The following ZNF623 variants were observed in gnomAD, a reference collection of about 807,000 sequenced individuals.
The protein encoded by ZNF623 is zinc finger protein 623.
Under a neutral mutation model 24.0 loss-of-function variants are expected in ZNF623, and 16 were observed. The observed-to-expected ratio is 0.67, with a 90% CI of 0.45 to 1.01. ZNF623 has a LOEUF of 1.01. ZNF623 is among the 50% of genes least tolerant of loss of function. The probability of loss-of-function intolerance (pLI) is 0.00; values close to 1 mark genes in which losing one functional copy is unlikely to be tolerated. For synonymous variants in ZNF623, 224 were observed against 219.8 expected, an observed-to-expected ratio of 1.02 and a Z score of -0.17; for missense variants, 566 against 606.5, an observed-to-expected ratio of 0.93 and a Z score of 0.70.
At position 143,650,526 on chromosome 8, in the gene ZNF623, C is replaced by T. The variant is rs1815276989; in HGVS notation, c.534C>T (p.His178=). Residue 178 remains histidine, a synonymous_variant, in exon 2 of 2, where the codon CAC becomes CAT. Transcript: ENST00000526926. The surrounding 1 kb of genome is among the most constrained non-coding windows in gnomAD (Gnocchi z 5.2). ...KCAQCGKAFC[H]SSDLIRHQRV... Reference sequence around the variant, plus strand: ...CGCAGTGTGGGAAGGCGTTTTGTCACAGTTCAGACCTGATTAGGCACCAGA... The same window carrying T: ...CGCAGTGTGGGAAGGCGTTTTGTCATAGTTCAGACCTGATTAGGCACCAGA... 6.2e-7 allele frequency: 1 copy of T among 1,614,074 alleles called. No homozygotes were observed. Among genetic ancestry groups the T allele is most frequent in the Non-Finnish European group, 8.5e-7 (1 of 1,180,014 alleles).
At chr8:143,642,599 A>G (rs1284499515) in intron 1 of ZNF623, among the ~76,000 whole-genome samples, 1 of 152,156 alleles carries the variant, frequency 6.6e-6, no homozygotes, top group Non-Finnish European at 1.5e-5. Flanking sequence ...TTTTGGTTTA[A>G]AGTGAGAGAT....
At chr8:143,645,254 T>C (rs577253657) in intron 1 of ZNF623, among the ~76,000 whole-genome samples, 26 of 152,166 alleles carry the variant, frequency 1.7e-4, no homozygotes, top group South Asian at 6.2e-4. Flanking sequence ...CCATCCTGGC[T>C]AACGGTGAAA....
Position 143,650,819 on chromosome 8 carries a change from A to G in ZNF623, c.827A>G (p.Glu276Gly), listed in dbSNP as rs758503574. 1 of 1,614,110 alleles carries G rather than the reference A, an allele frequency of 6.2e-7. No individual in the cohort carries two copies. Among genetic ancestry groups the G allele is most frequent in the African/African-American group, 1.3e-5 (1 of 74,922 alleles). ...GAACACCAGAGAATTCACACCGGAG[A>G]GAGACCCTTTGAATGCAATGAGTGT... ...LIEHQRIHTGERPFECNECGK... is the reference protein window; with the variant it reads ...LIEHQRIHTGGRPFECNECGK... The change falls in exon 2 of 2, where the codon GAG becomes GGG. Residue 276 changes from glutamate to glycine, a missense_variant. Physicochemically the swap from Glu to Gly is moderately conservative, Grantham distance 98 (BLOSUM62 -2). Around this residue, in one of 3 missense-constraint regions of ZNF623, gnomAD observed 117 missense variants for 174.2 expected, o/e 0.67. Transcript: ENST00000526926. This position sits in a 1 kb window ranked among gnomAD's most constrained non-coding sequence, Gnocchi z 5.2.
intron 1 of ZNF623, 101 bp downstream of exon 1, chr8:143,636,246 G>C (rs1814917575): frequency 6.6e-6 from 1 of 152,110 alleles, no homozygotes; most frequent in African/African-American, 2.4e-5. Context: ...CGCCGAGAGG[G>C]CCGGGCGGGG....
In ZNF623 at chr8:143,651,868, T is replaced by C. The variant is rs1587336385; in HGVS notation, c.*385T>C. 1 of 189,844 alleles carries C rather than the reference T, an allele frequency of 5.3e-6. No homozygotes were observed. Among genetic ancestry groups the C allele is most frequent in the Admixed American group, 5.9e-5 (1 of 16,848 alleles). 11.8% of individuals were successfully genotyped at this position (189,844 alleles called of 1,614,324 possible). A position where few individuals can be genotyped will look rare whatever the true frequency, so the allele number is the denominator to read the frequency against. ...GAGAATGTTACCTAGGACATTTTGA[T>C]GTGTTAAGTTGAAGAAAGGTAACTC... On this transcript the variant is annotated 3_prime_UTR_variant, in exon 2 of 2. Transcript: ENST00000526926.
chr8:143,646,670 TTTG>T (rs886346521), intron 1 of ZNF623, among the ~76,000 whole-genome samples: 6 of 152,056 alleles, frequency 3.9e-5, no homozygotes, highest in Non-Finnish European at 8.8e-5. Context: ...TGGAGTGTTT[TTTG>T]TTGTTGTTTG....
chr8:143,648,071 G>C lies in ZNF623; in HGVS notation c.-95-1827G>C, dbSNP rs560882144. ...GAGCATCCAAATGAAGGTGTTGGGTGAGGAGCTGGTCAGGTGTTGGGGCTG... is the reference window on the plus strand; with the variant it reads ...GAGCATCCAAATGAAGGTGTTGGGTCAGGAGCTGGTCAGGTGTTGGGGCTG... On this transcript the variant is annotated intron_variant, in intron 1 of 1. Coordinates refer to ENST00000526926, the MANE Select transcript of ZNF623 (RefSeq NM_001261843.2). Among the ~76,000 whole-genome samples the C allele has an allele frequency of 3.3e-5, 5 of 152,364 alleles. No individual in the cohort carries two copies. The East Asian group carries it at 9.6e-4, about 29-fold the overall frequency.
At chr8:143,648,648 G>A (rs1453336890) in intron 1 of ZNF623, among the ~76,000 whole-genome samples, 2 of 151,994 alleles carry the variant, frequency 1.3e-5, no homozygotes, top group Admixed American at 1.3e-4. Context: ...GTGCTCAGGT[G>A]CTGTCCCTGC....
intron 1 of ZNF623, among the ~76,000 whole-genome samples, chr8:143,639,395 G>A (rs1468877799): frequency 6.7e-6 from 1 of 150,234 alleles, no homozygotes; most frequent in Non-Finnish European, 1.5e-5. Flanking sequence ...AGCTAATTTT[G>A]TATTTTTAGT....
At chr8:143,638,971 C>T (rs1755388137) in intron 1 of ZNF623, among the ~76,000 whole-genome samples, 1 of 151,580 alleles carries the variant, frequency 6.6e-6, no homozygotes, top group Non-Finnish European at 1.5e-5. Flanking sequence ...CAGCTCATTC[C>T]ACCCTCTGCC....
At chr8:143,648,697 G>A (rs1815226025) in intron 1 of ZNF623, among the ~76,000 whole-genome samples, 1 of 152,060 alleles carries the variant, frequency 6.6e-6, no homozygotes, top group Admixed American at 6.6e-5. Context: ...ACAAGTGGAA[G>A]TGTTGCCTTT....
rs57279986 is a variant in ZNF623 at position 143,640,941 on chromosome 8, T to TA, written c.-96+4823dup. 2.2e-3 allele frequency among the ~76,000 whole-genome samples: 142 copies of TA among 65,550 alleles called. 9 individuals carry two copies. Among genetic ancestry groups the TA allele is most frequent in the African/African-American group, 6.8e-3 (122 of 17,840 alleles). The allele number at this position is 65,550 out of a possible 152,430, so 43.0% of individuals were successfully genotyped here. On this transcript the variant is annotated intron_variant, in intron 1 of 1. Coordinates refer to ENST00000526926, the MANE Select transcript of ZNF623 (RefSeq NM_001261843.2). ...GGGAACGAGAGTGAAACTCTGTCTTTAAAAAAAAAAAAAAAAAAAAAAAAA... is the reference window on the plus strand; with the variant it reads ...GGGAACGAGAGTGAAACTCTGTCTTTAAAAAAAAAAAAAAAAAAAAAAAAAA...
chr8:143,639,645 G>A (rs758433740), intron 1 of ZNF623, among the ~76,000 whole-genome samples: 3 of 152,176 alleles, frequency 2.0e-5, no homozygotes, highest in Non-Finnish European at 2.9e-5. Context: ...GTGAGCCGCC[G>A]CACCTGGCCC....
intron 1 of ZNF623, among the ~76,000 whole-genome samples, chr8:143,639,165 T>C (rs970521745): frequency 1.3e-5 from 2 of 151,676 alleles, no homozygotes; most frequent in South Asian, 2.1e-4. Flanking sequence ...GTGCTGGGAT[T>C]ACAGGCATGA....
At chr8:143,643,521 G>A (rs2131444633) in intron 1 of ZNF623, among the ~76,000 whole-genome samples, 1 of 152,340 alleles carries the variant, frequency 6.6e-6, no homozygotes, top group Admixed American at 6.5e-5. Flanking sequence ...CTGGGGCATT[G>A]CCCTCCACAG....
chr8:143,642,969 G>A (rs1018623111), intron 1 of ZNF623, among the ~76,000 whole-genome samples: 3 of 152,208 alleles, frequency 2.0e-5, no homozygotes, highest in Non-Finnish European at 4.4e-5. Flanking sequence ...ACTTGCAGAT[G>A]TCGGGAGGTC....
At chr8:143,645,469 G>C (rs1025855963) in intron 1 of ZNF623, among the ~76,000 whole-genome samples, 2 of 151,730 alleles carry the variant, frequency 1.3e-5, no homozygotes, top group African/African-American at 4.8e-5. Context: ...ACTTGAGGCT[G>C]GTAAAGTGCA....
chr8:143,640,810 G>A (rs748726847), intron 1 of ZNF623, among the ~76,000 whole-genome samples: 70 of 151,872 alleles, frequency 4.6e-4, no homozygotes, highest in Non-Finnish European at 7.1e-4. Flanking sequence ...GCGTGGTGGC[G>A]CACTCCTGTA....
At chr8:143,647,157 T>TTTTG (rs1563700083) in intron 1 of ZNF623, among the ~76,000 whole-genome samples, 6 of 151,490 alleles carry the variant, frequency 4.0e-5, no homozygotes, top group Admixed American at 1.3e-4. Flanking sequence ...GTTTTTTTTT[T>TTTTG]TTTTGTTTTG....
Sources: allele counts gnomAD v4.1 joint callset (sites outside exome capture counted in the v4.1 genomes callset), GRCh38; gene constraint gnomAD v4.1.1; regional missense constraint gnomAD v4.1.1; non-coding constraint Gnocchi (gnomAD v3.1); transcripts MANE v1.5; gene names NCBI Gene and HGNC (gene_info 2026-07-23, HGNC 2026-07-21).